Variants in LRRC52 observed in about 807,000 individuals in gnomAD.
LRRC52 encodes leucine-rich repeat-containing protein 52.
Under a neutral mutation model 14.7 loss-of-function variants are expected in LRRC52, and 15 were observed. The observed-to-expected ratio is 1.02, with a 90% CI of 0.68 to 1.58. LRRC52 has a LOEUF of 1.58. Among genes scored for constraint, LRRC52 ranks in the 40% most tolerant of loss-of-function variants. The pLI is 0.00. For missense variants in LRRC52, 400 were observed against 387.7 expected (o/e 1.03, Z -0.27); for synonymous variants, 180 against 163.9 (o/e 1.10, Z -0.75).
In LRRC52 at chr1:165,546,866, G is replaced by A. The variant is rs138664635; in HGVS notation, c.622+1948G>A. 1.1e-3 allele frequency among the ~76,000 whole-genome samples: 172 copies of A among 152,166 alleles called. 3 individuals are homozygous for A. In the Middle Eastern group the frequency reaches 0.024, roughly 21 times the overall value. ...GATTATAAAGTAGATCTTTTTCACC[G>A]CATATTTTCCAAGACATCAGAAAGG... is the stretch of plus-strand genomic sequence containing the variant. On this transcript the variant is annotated intron_variant, in intron 1 of 1. Coordinates refer to ENST00000294818, the MANE Select transcript of LRRC52 (RefSeq NM_001005214.4).
chr1:165,553,458 G>T (rs1008722064), intron 1 of LRRC52, among the ~76,000 whole-genome samples: 12 of 152,218 alleles, frequency 7.9e-5, no homozygotes, highest in African/African-American at 2.9e-4. Context: ...AGTAAACCAT[G>T]TAAACTACTC....
chr1:165,563,881 C>T lies in LRRC52; in HGVS notation c.*57C>T. 7.2e-6 allele frequency: 11 copies of T among 1,522,336 alleles called. No homozygotes were observed. The South Asian group carries it at 1.3e-4, about 19-fold the overall frequency. 94.3% of individuals were successfully genotyped at this position (1,522,336 alleles called of 1,614,324 possible). A position where few individuals can be genotyped will look rare whatever the true frequency, so the allele number is the denominator to read the frequency against. On this transcript the variant is annotated 3_prime_UTR_variant, in exon 2 of 2. Transcript: ENST00000294818. ...CCAGGCTCCCTGCTTTCTCTCTTGC[C>T]CTCCCCATCCCACCACCTTGGAGCT... is the stretch of plus-strand genomic sequence containing the variant.
intron 1 of LRRC52, among the ~76,000 whole-genome samples, chr1:165,545,701 G>A (rs776913767): frequency 6.6e-6 from 1 of 152,038 alleles, no homozygotes; most frequent in African/African-American, 2.4e-5. Flanking sequence ...GCCTGCCACG[G>A]CCCCTGTGCT....
intron 1 of LRRC52, among the ~76,000 whole-genome samples, chr1:165,550,908 G>A (rs1428105672): frequency 6.6e-6 from 1 of 152,118 alleles, no homozygotes; most frequent in Non-Finnish European, 1.5e-5. Flanking sequence ...CACTTTTCTT[G>A]TCCTTAAAAT....
intron 1 of LRRC52, among the ~76,000 whole-genome samples, chr1:165,550,209 G>T (rs1370151371): frequency 6.6e-6 from 1 of 152,172 alleles, no homozygotes; most frequent in South Asian, 2.1e-4. Context: ...CAGGGGACAG[G>T]GTTGAATGGC....
Position 165,544,481 on chromosome 1 carries a change from A to AG in LRRC52, c.186dup (p.Asn63GlufsTer5), listed in dbSNP as rs1241770491. 1.2e-6 allele frequency: 2 copies of AG among 1,614,060 alleles called. No individual in the cohort carries two copies. Among genetic ancestry groups the AG allele is most frequent in the Non-Finnish European group, 1.7e-6 (2 of 1,180,038 alleles). Reference sequence around the variant, plus strand: ...AACACCCGGAGGCTGTTCCTGAACGAGAACAGAATCACTAGTTTGCCAGCA... The same window carrying AG: ...AACACCCGGAGGCTGTTCCTGAACGAGGAACAGAATCACTAGTTTGCCAGCA... On this transcript the variant is annotated frameshift_variant, in exon 1 of 2. Transcript: ENST00000294818. LOFTEE classifies it high-confidence loss of function.
At position 165,544,234 on chromosome 1, in the gene LRRC52, G is replaced by A. The variant is rs200792240; in HGVS notation, c.-63G>A. ...CCCCCGCCCCACCCCCCCACCGGCAGCCTTCGGATCAGAGGACAGAGCCCG... is the reference window on the plus strand; with the variant it reads ...CCCCCGCCCCACCCCCCCACCGGCAACCTTCGGATCAGAGGACAGAGCCCG... On this transcript the variant is annotated 5_prime_UTR_variant, in exon 1 of 2. Transcript: ENST00000294818. The A allele has an allele frequency of 9.0e-4, 1,009 of 1,124,368 alleles. 18 individuals carry two copies. The highest frequency in any genetic ancestry group is 4.8e-3 in the Middle Eastern group (13 of 2,730). The allele number at this position is 1,124,368 out of a possible 1,614,324, so 69.6% of individuals were successfully genotyped here.
chr1:165,550,900 C>G (rs1462573932), intron 1 of LRRC52, among the ~76,000 whole-genome samples: 1 of 152,154 alleles, frequency 6.6e-6, no homozygotes, highest in African/African-American at 2.4e-5. Flanking sequence ...TCAAGAGTCA[C>G]TTTTCTTGTC....
At position 165,544,699 on chromosome 1, in the gene LRRC52, A is replaced by G. The variant is rs754255011; in HGVS notation, c.403A>G (p.Asn135Asp). The G allele has an allele frequency of 6.2e-7, 1 of 1,613,924 alleles. No homozygotes were observed. Among genetic ancestry groups the G allele is most frequent in the East Asian group, 2.2e-5 (1 of 44,858 alleles). The change falls in exon 1 of 2, where the codon AAC (asparagine) becomes GAC (aspartate). Residue 135 changes from asparagine (N) to aspartate (D), a missense_variant. Physicochemically the swap from Asn to Asp is conservative, Grantham distance 23 (BLOSUM62 1). Coordinates refer to ENST00000294818, the MANE Select transcript of LRRC52 (RefSeq NM_001005214.4). ...SNLVQLNIAN[N>D]PHLLSLHKFT... ...CCTGGTGCAGCTGAACATTGCCAAC[A>G]ACCCTCACCTGTTATCGCTTCACAA...
chr1:165,550,566 A>G (rs1481204776), intron 1 of LRRC52, among the ~76,000 whole-genome samples: 1 of 152,234 alleles, frequency 6.6e-6, no homozygotes, highest in Admixed American at 6.5e-5. Flanking sequence ...CCAGAGTCAC[A>G]GGTAAGTGGC....
chr1:165,549,875 C>G (rs1661096358), intron 1 of LRRC52, among the ~76,000 whole-genome samples: 1 of 152,286 alleles, frequency 6.6e-6, no homozygotes, highest in Non-Finnish European at 1.5e-5. Context: ...AATCAAAGGT[C>G]TGATTCAAAA....
At chr1:165,562,419 C>T (rs933883258) in intron 1 of LRRC52, among the ~76,000 whole-genome samples, 1 of 152,120 alleles carries the variant, frequency 6.6e-6, no homozygotes, top group African/African-American at 2.4e-5. Context: ...AAGCACTCAG[C>T]CTCAGCATGG....
At chr1:165,562,726 G>A (rs1038158960) in intron 1 of LRRC52, among the ~76,000 whole-genome samples, 1 of 151,800 alleles carries the variant, frequency 6.6e-6, no homozygotes, top group Non-Finnish European at 1.5e-5. Flanking sequence ...CGCTACATAT[G>A]GGGAGGTGCT....
intron 1 of LRRC52, among the ~76,000 whole-genome samples, chr1:165,558,290 G>C (rs1035072154): frequency 2.6e-5 from 4 of 152,190 alleles, no homozygotes; most frequent in African/African-American, 9.7e-5. Context: ...CCACTGGAGT[G>C]AGGCTGAGGA....
intron 1 of LRRC52, among the ~76,000 whole-genome samples, chr1:165,562,814 T>C (rs1037400753): frequency 6.6e-6 from 1 of 152,060 alleles, no homozygotes; most frequent in African/African-American, 2.4e-5. Flanking sequence ...CAGCCAGTGA[T>C]GGCCAACATC....
chr1:165,544,203 G>GCCCCCCCCCCC lies in LRRC52; in HGVS notation c.-90_-89insCCCCCCCCCCC. On this transcript the variant is annotated 5_prime_UTR_variant, in exon 1 of 2. Coordinates refer to ENST00000294818, the MANE Select transcript of LRRC52 (RefSeq NM_001005214.4). ...CTAAAGTGTTACAGTTCTTTCCAGA[G>GCCCCCCCCCCC]CCCCTCCCCCGCCCCACCCCCCCAC... The GCCCCCCCCCCC allele has an allele frequency of 4.0e-6, 4 of 1,001,716 alleles. No homozygotes were observed. The highest frequency in any genetic ancestry group is 3.1e-5 in the South Asian group (2 of 63,708). 62.1% of individuals were successfully genotyped at this position (1,001,716 alleles called of 1,614,324 possible).
intron 1 of LRRC52, among the ~76,000 whole-genome samples, chr1:165,562,176 G>C (rs767452353): frequency 6.6e-6 from 1 of 152,210 alleles, no homozygotes; most frequent in Non-Finnish European, 1.5e-5. Context: ...AAACCTTCAA[G>C]TTATGGGATC....
chr1:165,552,997 A>G (rs74118803), intron 1 of LRRC52, among the ~76,000 whole-genome samples: 1,621 of 152,300 alleles, frequency 0.011, 19 homozygotes, highest in African/African-American at 0.033. Flanking sequence ...CTGAGTGGGA[A>G]GTCCCTGTAA....
intron 1 of LRRC52, among the ~76,000 whole-genome samples, chr1:165,551,896 T>A (rs1661138480): frequency 1.3e-5 from 2 of 151,516 alleles, no homozygotes; most frequent in African/African-American, 4.9e-5. Flanking sequence ...CGGAATGAAT[T>A]CAGGTCCTCA....
Sources: gnomAD v4.1 joint callset for allele counts (sites outside exome capture counted in the v4.1 genomes callset) on GRCh38, gnomAD v4.1.1 for gene constraint, MANE v1.5 for transcripts, NCBI Gene and HGNC (gene_info 2026-07-23, HGNC 2026-07-21) for gene names.